The following GALNT1 variants were observed in gnomAD, a reference collection of about 807,000 sequenced individuals.
GALNT1 encodes GalNAc transferase 1.
A neutral mutation model predicts 65.7 loss-of-function variants in GALNT1; 17 were observed. That is an observed-to-expected ratio of 0.26 (90% CI 0.18 to 0.39). The LOEUF (loss-of-function observed/expected upper bound fraction) is 0.39. Ranked by LOEUF, GALNT1 falls within the 10% of genes least tolerant of loss-of-function variation. The probability of loss-of-function intolerance (pLI) is 1.00; values close to 1 mark genes in which losing one functional copy is unlikely to be tolerated. For synonymous variants in GALNT1, 210 were observed against 219.7 expected (o/e 0.96, Z 0.39); for missense variants, 460 against 672.8 (o/e 0.68, Z 3.50).
chr18:35,661,102 ATTAAG>A (rs1349398906), intron 2 of GALNT1, among the ~76,000 whole-genome samples: 1 of 152,214 alleles, frequency 6.6e-6, no homozygotes, highest in Non-Finnish European at 1.5e-5. Flanking sequence ...GTAATAAGCA[ATTAAG>A]TTTATATTTT....
intron 1 of GALNT1, chr18:35,595,772 C>T (rs2046498015): frequency 6.6e-6 from 1 of 151,998 alleles, no homozygotes; most frequent in Non-Finnish European, 1.5e-5. Context: ...AAAAAGTACA[C>T]AGTGAAAACT....
At chr18:35,668,305 G>A (rs2047578231) in intron 3 of GALNT1, among the ~76,000 whole-genome samples, 3 of 152,056 alleles carry the variant, frequency 2.0e-5, no homozygotes, top group Admixed American at 1.3e-4. Context: ...GAAAATAAGA[G>A]AGTCACAAAT....
intron 2 of GALNT1, among the ~76,000 whole-genome samples, chr18:35,657,395 G>C (rs967894471): frequency 6.6e-6 from 1 of 152,164 alleles, no homozygotes; most frequent in Non-Finnish European, 1.5e-5. Context: ...CACCCAACCT[G>C]AGTTTGGAAT....
chr18:35,699,523 C>T (rs1382752538), intron 9 of GALNT1, among the ~76,000 whole-genome samples: 2 of 152,148 alleles, frequency 1.3e-5, no homozygotes, highest in Non-Finnish European at 2.9e-5. Context: ...TGTAATAAGA[C>T]CACTGAGCAG....
At chr18:35,647,468 T>C (rs2047245568) in intron 1 of GALNT1, among the ~76,000 whole-genome samples, 1 of 152,186 alleles carries the variant, frequency 6.6e-6, no homozygotes, top group Admixed American at 6.5e-5. Context: ...ATAGTTCTGT[T>C]TGAGAAATAG....
At position 35,626,973 on chromosome 18, in the gene GALNT1, T is replaced by A. The variant is rs111832145; in HGVS notation, c.-103-27587T>A. On this transcript the variant is annotated intron_variant, in intron 1 of 11. Transcript: ENST00000269195. Reference sequence around the variant, plus strand: ...ACTTCTATTAGCTAGAGGAATAGAATGACCGTGGTTGGCTTGGACCAGTCA... The same window carrying A: ...ACTTCTATTAGCTAGAGGAATAGAAAGACCGTGGTTGGCTTGGACCAGTCA... Among the ~76,000 whole-genome samples, 972 of 152,356 alleles carry A rather than the reference T, an allele frequency of 6.4e-3. 19 individuals are homozygous for A. The highest frequency in any genetic ancestry group is 0.022 in the African/African-American group (923 of 41,586).
chr18:35,688,943 A>G (rs768653877), intron 6 of GALNT1, among the ~76,000 whole-genome samples: 1 of 152,180 alleles, frequency 6.6e-6, no homozygotes, highest in Non-Finnish European at 1.5e-5. Flanking sequence ...GGGCAGAAGC[A>G]TGACACAGCA....
chr18:35,600,638 A>G (rs1454579367), intron 1 of GALNT1, among the ~76,000 whole-genome samples: 1 of 152,134 alleles, frequency 6.6e-6, no homozygotes, highest in East Asian at 1.9e-4. Flanking sequence ...CCCATTCAGT[A>G]CAATGTTAGC....
In GALNT1 at chr18:35,663,600, TGTTA is replaced by T. The variant is rs1272440417; in HGVS notation, c.140-23_140-20del. On this transcript the variant is annotated intron_variant, in intron 2 of 11. Transcript: ENST00000269195. The stretch of plus-strand genomic sequence containing the variant: ...AATCAATCAATTGCTATGAAATTAA[TGTTA>T]GTTAAGTTTCTTCCTATTCTTAGTT... 4.4e-6 allele frequency: 7 copies of T among 1,576,918 alleles called. No individual in the cohort carries two copies. In the African/African-American group the frequency reaches 5.5e-5, roughly 12 times the overall value.
intron 1 of GALNT1, among the ~76,000 whole-genome samples, chr18:35,627,800 A>G (rs1317143456): frequency 6.6e-6 from 1 of 152,180 alleles, no homozygotes; most frequent in Non-Finnish European, 1.5e-5. Flanking sequence ...ACAAGGGGTC[A>G]GGGAATTCCC....
At chr18:35,642,360 AG>A (rs1189792414) in intron 1 of GALNT1, among the ~76,000 whole-genome samples, 1 of 152,220 alleles carries the variant, frequency 6.6e-6, no homozygotes, top group African/African-American at 2.4e-5. Flanking sequence ...AAAGCAAGTC[AG>A]GTTTTTCCAC....
chr18:35,638,934 A>G (rs2047127448), intron 1 of GALNT1, among the ~76,000 whole-genome samples: 1 of 152,258 alleles, frequency 6.6e-6, no homozygotes, highest in African/African-American at 2.4e-5. Flanking sequence ...AATTGCTGCA[A>G]TCTTAAGATA....
chr18:35,707,624 G>C (rs2048285242), intron 11 of GALNT1, among the ~76,000 whole-genome samples: 1 of 152,240 alleles, frequency 6.6e-6, no homozygotes, highest in South Asian at 2.1e-4. Flanking sequence ...ATGTGTTTGT[G>C]ATGGGTTTAT....
At chr18:35,642,556 T>C (rs763794114) in intron 1 of GALNT1, among the ~76,000 whole-genome samples, 2 of 152,168 alleles carry the variant, frequency 1.3e-5, no homozygotes, top group Non-Finnish European at 2.9e-5. Flanking sequence ...GTGGTGGAGA[T>C]GTGTGTTGTG....
intron 1 of GALNT1, among the ~76,000 whole-genome samples, chr18:35,640,745 T>G (rs780545693): frequency 1.3e-5 from 2 of 152,106 alleles, no homozygotes; most frequent in South Asian, 4.1e-4. Context: ...GAGAGATAGA[T>G]CAATAGAAGA....
At chr18:35,680,266 T>A (rs72964455) in intron 4 of GALNT1, among the ~76,000 whole-genome samples, 8,062 of 152,282 alleles carry the variant, frequency 0.053, 250 homozygotes, top group South Asian at 0.072. Context: ...CCAGCACTGT[T>A]AACATTGAAT....
At chr18:35,604,267 G>A (rs948927291) in intron 1 of GALNT1, among the ~76,000 whole-genome samples, 4 of 152,134 alleles carry the variant, frequency 2.6e-5, no homozygotes, top group Non-Finnish European at 4.4e-5. Context: ...TTAAATGGCT[G>A]CGTGGTACTC....
In GALNT1 at chr18:35,710,318, A is replaced by G. The variant is rs1234079127; in HGVS notation, c.*548A>G. The G allele has an allele frequency of 6.5e-6, 1 of 152,876 alleles. No homozygotes were observed. Among genetic ancestry groups the G allele is most frequent in the East Asian group, 1.9e-4 (1 of 5,198 alleles). The allele number at this position is 152,876 out of a possible 1,614,324, so 9.5% of individuals were successfully genotyped here. A position where few individuals can be genotyped will look rare whatever the true frequency, so the allele number is the denominator to read the frequency against. ...GTTTAAAGGAAATTAAAACAGAACT[A>G]TGAGAAGTACAATTTGTTATAGTAT... On this transcript the variant is annotated 3_prime_UTR_variant, in exon 12 of 12. Transcript: ENST00000269195.
chr18:35,655,505 T>C (rs1239959476), intron 2 of GALNT1, among the ~76,000 whole-genome samples: 2 of 151,726 alleles, frequency 1.3e-5, no homozygotes, highest in African/African-American at 4.8e-5. Context: ...AATTCTTTTT[T>C]TTTTTTTTTG....
Sources: allele counts gnomAD v4.1 joint callset (sites outside exome capture counted in the v4.1 genomes callset), GRCh38; gene constraint gnomAD v4.1.1; transcripts MANE v1.5; gene names NCBI Gene and HGNC (gene_info 2026-07-23, HGNC 2026-07-21).